Variants in DLGAP2 observed in about 807,000 individuals in gnomAD.
The protein encoded by DLGAP2 is disks large-associated protein 2.
A neutral mutation model predicts 100.3 loss-of-function variants in DLGAP2; 26 were observed. The ratio of observed to expected loss-of-function variants is 0.26; its 90% CI spans 0.19 to 0.36. The LOEUF (loss-of-function observed/expected upper bound fraction) is 0.36. DLGAP2 is among the 10% of genes least tolerant of loss of function. DLGAP2 has a pLI of 1.00. For synonymous variants in DLGAP2, 886 were observed against 630.1 expected (o/e 1.41, Z -6.08); for missense variants, 1,858 against 1,453.2 (o/e 1.28, Z -4.53).
intron 2 of DLGAP2, among the ~76,000 whole-genome samples, chr8:994,485 C>T (rs1360804045): frequency 6.6e-6 from 1 of 152,218 alleles, no homozygotes; most frequent in African/African-American, 2.4e-5. Context: ...CAGGCATGAG[C>T]CACTGCACCC....
At chr8:945,487 C>T (rs1015309645) in intron 2 of DLGAP2, among the ~76,000 whole-genome samples, 2 of 152,184 alleles carry the variant, frequency 1.3e-5, no homozygotes, top group Non-Finnish European at 2.9e-5. Flanking sequence ...AAATACTAAA[C>T]TCACGAAGAA....
intron 2 of DLGAP2, among the ~76,000 whole-genome samples, chr8:1,080,389 C>T (rs547717692): frequency 1.3e-5 from 2 of 152,342 alleles, no homozygotes; most frequent in East Asian, 1.9e-4. Context: ...CAGAGGTGTG[C>T]GTTACGAAGG....
chr8:1,152,587 G>C (rs932008550), intron 2 of DLGAP2, among the ~76,000 whole-genome samples: 6 of 144,252 alleles, frequency 4.2e-5, no homozygotes, highest in African/African-American at 1.0e-4. Context: ...TTGATGGAAT[G>C]ATGTCATGGG....
chr8:1,488,252 C>G (rs1433970066), intron 3 of DLGAP2, among the ~76,000 whole-genome samples: 2 of 152,160 alleles, frequency 1.3e-5, no homozygotes, highest in Non-Finnish European at 2.9e-5. Context: ...AGAGAGGCCT[C>G]ATCTCCCAAA....
rs535605769 is a variant in DLGAP2, at chr8:831,097, C to T, written c.19-76815C>T. ...ACTTTTAGTAAAGACAGGGTTTCAC[C>T]ATGTTGGCCAGGCTGGTCTTGAACT... On this transcript the variant is annotated intron_variant, in intron 1 of 14. Transcript: ENST00000637795. Among the ~76,000 whole-genome samples the T allele has an allele frequency of 5.3e-5, 8 of 152,062 alleles. No individual in the cohort carries two copies. The East Asian group carries it at 1.6e-3, about 29-fold the overall frequency.
rs373685478 is a variant in DLGAP2, at chr8:1,345,109, C to A, written c.106+86226C>A. Among the ~76,000 whole-genome samples the A allele has an allele frequency of 8.4e-5, 11 of 130,514 alleles. 1 individual carries two copies. The highest frequency in any genetic ancestry group is 2.9e-4 in the African/African-American group (11 of 37,370). The allele number at this position is 130,514 out of a possible 152,430, so 85.6% of individuals were successfully genotyped here. A position where few individuals can be genotyped will look rare whatever the true frequency, so the allele number is the denominator to read the frequency against. On this transcript the variant is annotated intron_variant, in intron 3 of 14. Coordinates refer to ENST00000637795, the MANE Select transcript of DLGAP2 (RefSeq NM_001346810.2). ...GACTCGGGAACAATTAGCTTAGCTG[C>A]TTATATAAATGACATAATTCGGTTT...
chr8:1,218,200 C>T (rs1798249882), intron 2 of DLGAP2, among the ~76,000 whole-genome samples: 1 of 152,182 alleles, frequency 6.6e-6, no homozygotes, highest in Non-Finnish European at 1.5e-5. Context: ...AGGTTCTCTT[C>T]CAGATTTTTT....
chr8:819,268 A>G (rs1013899247), intron 1 of DLGAP2, among the ~76,000 whole-genome samples: 2 of 152,264 alleles, frequency 1.3e-5, no homozygotes, highest in South Asian at 4.1e-4. Flanking sequence ...TATTTAAAAA[A>G]CCCCTCATGA....
chr8:1,183,192 C>T (rs555200329), intron 2 of DLGAP2, among the ~76,000 whole-genome samples: 3 of 151,884 alleles, frequency 2.0e-5, no homozygotes, highest in East Asian at 3.9e-4. Context: ...AGGATGGAGC[C>T]GAGAGGGCGT....
chr8:856,353 T>C (rs908192765), intron 1 of DLGAP2, among the ~76,000 whole-genome samples: 6 of 152,054 alleles, frequency 3.9e-5, no homozygotes, highest in African/African-American at 1.4e-4. Context: ...CACGCCTGGC[T>C]AATTTTGTAT....
intron 2 of DLGAP2, among the ~76,000 whole-genome samples, chr8:1,063,029 C>T (rs1380925209): frequency 6.6e-6 from 1 of 152,152 alleles, no homozygotes; most frequent in African/African-American, 2.4e-5. Flanking sequence ...CTATTAAGAC[C>T]TGTGTTTTTC....
At chr8:1,663,662 G>A (rs1426153071) in intron 8 of DLGAP2, among the ~76,000 whole-genome samples, 1 of 152,284 alleles carries the variant, frequency 6.6e-6, no homozygotes, top group Non-Finnish European at 1.5e-5. Context: ...TCGACTCACA[G>A]GGGAGGTTTG....
chr8:1,141,508 T>C (rs762058668), intron 2 of DLGAP2, among the ~76,000 whole-genome samples: 5 of 152,166 alleles, frequency 3.3e-5, no homozygotes, highest in Non-Finnish European at 7.3e-5. Flanking sequence ...TAATCCAGAA[T>C]GTTGGTGTTG....
At chr8:861,193 C>G (rs1019294323) in intron 1 of DLGAP2, among the ~76,000 whole-genome samples, 2 of 152,132 alleles carry the variant, frequency 1.3e-5, no homozygotes, top group East Asian at 1.9e-4. Context: ...ACATTGTTCC[C>G]TACACGATAC....
intron 6 of DLGAP2, among the ~76,000 whole-genome samples, chr8:1,624,879 C>CTTTCTCTCTCTA (rs1215910371): frequency 5.3e-5 from 8 of 152,020 alleles, no homozygotes; most frequent in African/African-American, 1.7e-4. Flanking sequence ...GTCTCTCTCT[C>CTTTCTCTCTCTA]TCTCTCTTTC....
At chr8:1,463,002 A>C (rs112333327) in intron 3 of DLGAP2, among the ~76,000 whole-genome samples, 5,050 of 152,256 alleles carry the variant, frequency 0.033, 257 homozygotes, top group East Asian at 0.25. Context: ...TAATCCCAGC[A>C]CTTTGGGAGT....
intron 2 of DLGAP2, among the ~76,000 whole-genome samples, chr8:1,065,786 C>T (rs1305475363): frequency 2.6e-5 from 4 of 152,166 alleles, no homozygotes; most frequent in African/African-American, 4.8e-5. Context: ...TCCTGACTGT[C>T]GAAGCCCCCA....
At chr8:1,292,662 G>A (rs914341907) in intron 3 of DLGAP2, among the ~76,000 whole-genome samples, 6 of 152,120 alleles carry the variant, frequency 3.9e-5, no homozygotes, top group Non-Finnish European at 7.4e-5. Context: ...GGCCTCCGTC[G>A]CTCGGACGCT....
At chr8:1,514,384 A>G (rs1800288073) in intron 4 of DLGAP2, among the ~76,000 whole-genome samples, 1 of 152,272 alleles carries the variant, frequency 6.6e-6, no homozygotes, top group African/African-American at 2.4e-5. Flanking sequence ...TTCACATAAC[A>G]CAGAACCCCA....
Sources: gnomAD v4.1 joint callset for allele counts (sites outside exome capture counted in the v4.1 genomes callset) on GRCh38, gnomAD v4.1.1 for gene constraint, MANE v1.5 for transcripts, NCBI Gene and HGNC (gene_info 2026-07-23, HGNC 2026-07-21) for gene names.